Variants in TDRKH observed in about 807,000 individuals in gnomAD.
The protein encoded by TDRKH is tudor and KH domain-containing protein.
TDRKH carries 28 observed loss-of-function variants against 61.3 expected under a neutral mutation model. The observed-to-expected ratio is 0.46, with a 90% CI of 0.34 to 0.63. TDRKH has a LOEUF of 0.63. Ranked by LOEUF, TDRKH falls within the 20% of genes least tolerant of loss-of-function variation. The pLI is 0.01. For missense variants in TDRKH, 540 were observed against 683.4 expected (o/e 0.79, Z 2.34); for synonymous variants, 219 against 244.4 (o/e 0.90, Z 0.97).
Position 151,774,035 on chromosome 1 carries a change from T to G in TDRKH, c.*417A>C. ...ACAGCAGTATTCAAACACTGGAGGG[T>G]TGGGGAGGGATCCGGAGGTGGAATG... On this transcript the variant is annotated 3_prime_UTR_variant, in exon 13 of 13. Coordinates refer to ENST00000368824, the MANE Select transcript of TDRKH (RefSeq NM_001083965.2). 1 of 177,748 alleles carries G rather than the reference T, an allele frequency of 5.6e-6. No individual in the cohort carries two copies. The highest frequency in any genetic ancestry group is 1.2e-5 in the Non-Finnish European group (1 of 84,722). The allele number at this position is 177,748 out of a possible 1,614,324, so 11.0% of individuals were successfully genotyped here. A position where few individuals can be genotyped will look rare whatever the true frequency, so the allele number is the denominator to read the frequency against.
rs58169893 is a variant in TDRKH, at chr1:151,781,317, C to CAAAAAAA, written c.231+157_231+163dup. On this transcript the variant is annotated intron_variant, in intron 3 of 12. Transcript: ENST00000368824. ...GGACAACAAGAGCGAAACTCCATCT[C>CAAAAAAA]AAAAAAAAAAAATATATATATATAT... Among the ~76,000 whole-genome samples, 15 of 64,744 alleles carry CAAAAAAA rather than the reference C, an allele frequency of 2.3e-4. No homozygotes were observed. The East Asian group carries it at 3.8e-3, about 16-fold the overall frequency. 42.5% of individuals were successfully genotyped at this position (64,744 alleles called of 152,430 possible).
intron 1 of TDRKH, among the ~76,000 whole-genome samples, chr1:151,789,324 T>C (rs545778727): frequency 1.3e-5 from 2 of 152,332 alleles, no homozygotes; most frequent in Admixed American, 6.5e-5. Context: ...TGTTCACAAT[T>C]TTCATATCCT....
downstream of TDRKH, chr1:151,766,525 T>C: frequency 1.6e-6 from 1 of 608,342 alleles, no homozygotes. Flanking sequence ...AGCCATAACA[T>C]GCATACTAGT....
downstream of TDRKH, chr1:151,771,439 G>A (rs1465186486): frequency 1.4e-5 from 16 of 1,134,790 alleles, no homozygotes; most frequent in Middle Eastern, 3.1e-4. Context: ...CCTGAACTAC[G>A]GAGGAAAGTA....
downstream of TDRKH, chr1:151,770,082 A>AGGGAGAGGGAGACCATG (rs1648603483): frequency 1.4e-6 from 2 of 1,446,996 alleles, no homozygotes; most frequent in African/African-American, 3.8e-5. Context: ...GTGGAGAGAG[A>AGGGAGAGGGAGACCATG]GGGAGAGGGA....
chr1:151,771,068 CTT>C (rs765459561), downstream of TDRKH: 1 of 1,573,894 alleles, frequency 6.4e-7, no homozygotes, highest in Non-Finnish European at 8.6e-7. Context: ...TTGTTCTATC[CTT>C]TCACAGGTGC....
At chr1:151,781,116 G>T (rs1357988856) in intron 3 of TDRKH, among the ~76,000 whole-genome samples, 4 of 151,192 alleles carry the variant, frequency 2.6e-5, no homozygotes, top group Non-Finnish European at 5.9e-5. Flanking sequence ...AGGAGTTCGA[G>T]ATCAGCCTGG....
downstream of TDRKH, among the ~76,000 whole-genome samples, chr1:151,772,615 A>G (rs1648782592): frequency 6.6e-6 from 1 of 152,192 alleles, no homozygotes. Context: ...CTATACATTT[A>G]TATTTACTTT....
At chr1:151,790,110 G>C (rs752984068) in intron 1 of TDRKH, among the ~76,000 whole-genome samples, 3 of 152,206 alleles carry the variant, frequency 2.0e-5, no homozygotes, top group Non-Finnish European at 2.9e-5. Context: ...AGTCTGAACT[G>C]ACTCAGGGCA....
chr1:151,780,260 CTATCTATACAACCA>C, intron 3 of TDRKH, 120 bp from the exon 4 acceptor site: 1 of 355,516 alleles, frequency 2.8e-6, no homozygotes, highest in South Asian at 3.9e-5. Flanking sequence ...TTAGCTAATA[CTATCTATACAACCA>C]GTCCTCAATT....
intron 6 of TDRKH, among the ~76,000 whole-genome samples, chr1:151,777,303 G>C (rs1006170485): frequency 6.6e-6 from 1 of 152,006 alleles, no homozygotes; most frequent in East Asian, 1.9e-4. Context: ...AAAATCAGTC[G>C]GATGTGGTGG....
intron 1 of TDRKH, chr1:151,783,724 G>A (rs1479433738): frequency 1.3e-5 from 2 of 152,244 alleles, no homozygotes; most frequent in Non-Finnish European, 2.9e-5. Flanking sequence ...TTTCCCTGGA[G>A]GGTCCTTCCA....
chr1:151,788,122 C>T (rs6680404), intron 1 of TDRKH, among the ~76,000 whole-genome samples: 61,900 of 152,038 alleles, frequency 0.41, 13,507 homozygotes, highest in Non-Finnish European at 0.5. Flanking sequence ...CTGCAAATAA[C>T]GAAGGGAGGG....
At chr1:151,769,064 T>C (rs1390553195), downstream of TDRKH, among the ~76,000 whole-genome samples, 3 of 151,786 alleles carry the variant, frequency 2.0e-5, no homozygotes, top group African/African-American at 7.2e-5. Flanking sequence ...GTCTACTTCT[T>C]TCTACACAGA....
intron 6 of TDRKH, 38 bp downstream of exon 6, chr1:151,778,647 A>C (rs376948678): frequency 6.2e-6 from 10 of 1,605,842 alleles, no homozygotes; most frequent in Non-Finnish European, 8.5e-6. Context: ...CAGTATTTCT[A>C]TCTTCAATGA....
downstream of TDRKH, chr1:151,768,311 G>A: frequency 1.3e-6 from 2 of 1,528,864 alleles, no homozygotes; most frequent in Non-Finnish European, 1.8e-6. Context: ...AGTACATAAG[G>A]CTAATTCTGG....
chr1:151,772,341 C>T (rs746402222), downstream of TDRKH, among the ~76,000 whole-genome samples: 1 of 152,076 alleles, frequency 6.6e-6, no homozygotes, highest in Non-Finnish European at 1.5e-5. Flanking sequence ...ATCTGCCCGC[C>T]TCGGCCTCCC....
At chr1:151,770,866 A>G (rs1192818821), downstream of TDRKH, among the ~76,000 whole-genome samples, 1 of 152,206 alleles carries the variant, frequency 6.6e-6, no homozygotes, top group Non-Finnish European at 1.5e-5. Context: ...GGAAAATTCT[A>G]TAGATGGAAA....
At position 151,774,330 on chromosome 1, in the gene TDRKH, G is replaced by T; in HGVS notation, c.*122C>A. 1 of 954,362 alleles carries T rather than the reference G, an allele frequency of 1.0e-6. No homozygotes were observed. The highest frequency in any genetic ancestry group is 1.6e-6 in the Non-Finnish European group (1 of 631,690). 59.1% of individuals were successfully genotyped at this position (954,362 alleles called of 1,614,324 possible). A position where few individuals can be genotyped will look rare whatever the true frequency, so the allele number is the denominator to read the frequency against. Reference sequence around the variant, plus strand: ...AGAGAAGTATATTAAGACAGGGCATGGGAAAGAGGGAATCAAAGCAAGTGC... The same window carrying T: ...AGAGAAGTATATTAAGACAGGGCATTGGAAAGAGGGAATCAAAGCAAGTGC... On this transcript the variant is annotated 3_prime_UTR_variant, in exon 13 of 13. Coordinates refer to ENST00000368824, the MANE Select transcript of TDRKH (RefSeq NM_001083965.2).
Sources: allele counts gnomAD v4.1 joint callset (sites outside exome capture counted in the v4.1 genomes callset), GRCh38; gene constraint gnomAD v4.1.1; transcripts MANE v1.5; gene names NCBI Gene and HGNC (gene_info 2026-07-23, HGNC 2026-07-21).